VIT: variants seen among roughly 807,000 people sequenced by gnomAD.
The protein encoded by VIT is vitrin.
Under a neutral mutation model 78.0 loss-of-function variants are expected in VIT, and 99 were observed. The ratio of observed to expected loss-of-function variants is 1.27; its 90% CI spans 1.08 to 1.50. The LOEUF is 1.50. Among genes scored for constraint, VIT ranks in the 40% most tolerant of loss-of-function variants. The pLI, the probability that VIT is intolerant of heterozygous loss-of-function variation, is 0.00. For synonymous variants in VIT, 374 were observed against 334.3 expected, an observed-to-expected ratio of 1.12 and a Z score of -1.29; for missense variants, 1,126 against 875.3, an observed-to-expected ratio of 1.29 and a Z score of -3.61.
Position 36,758,950 on chromosome 2 carries a change from T to C in VIT, c.410-19T>C. 6.2e-7 allele frequency: 1 copy of C among 1,603,826 alleles called. No homozygotes were observed. Among genetic ancestry groups the C allele is most frequent in the Non-Finnish European group, 8.5e-7 (1 of 1,174,138 alleles). On this transcript the variant is annotated intron_variant, in intron 5 of 15. Coordinates refer to ENST00000379242, the MANE Select transcript of VIT (RefSeq NM_053276.4). Reference sequence around the variant, plus strand: ...TAGCTCTAGAAATAAATCTCGTTTTTTTTTTCTCTTTTTTGCAGAAAGTAA... The same window carrying C: ...TAGCTCTAGAAATAAATCTCGTTTTCTTTTTCTCTTTTTTGCAGAAAGTAA...
intron 11 of VIT, 30 bp downstream of exon 11, chr2:36,783,432 G>C: frequency 6.2e-7 from 1 of 1,611,102 alleles, no homozygotes. Context: ...GAAACCCACG[G>C]TGTCTTTGAC....
chr2:36,782,273 G>A (rs1352870170), intron 10 of VIT, among the ~76,000 whole-genome samples: 1 of 152,184 alleles, frequency 6.6e-6, no homozygotes, highest in Non-Finnish European at 1.5e-5. Context: ...TCCGCCTCTG[G>A]ACTTGTACTT....
At chr2:36,705,210 T>C (rs1665337802) in intron 1 of VIT, among the ~76,000 whole-genome samples, 2 of 152,204 alleles carry the variant, frequency 1.3e-5, no homozygotes, top group South Asian at 4.2e-4. Flanking sequence ...CCTCGTCTTT[T>C]TGAGGTCCTA....
intron 11 of VIT, among the ~76,000 whole-genome samples, chr2:36,786,070 G>A (rs576724408): frequency 3.6e-4 from 55 of 152,300 alleles, no homozygotes; most frequent in African/African-American, 1.2e-3. Flanking sequence ...GATTAGAGAG[G>A]TGCAGGTCCG....
intron 2 of VIT, among the ~76,000 whole-genome samples, chr2:36,717,723 G>T (rs1666255069): frequency 1.3e-5 from 2 of 152,132 alleles, no homozygotes; most frequent in Non-Finnish European, 2.9e-5. Context: ...ACCCTGTGGA[G>T]CATTGTGAAA....
chr2:36,784,533 A>G lies in VIT; in HGVS notation c.910+1131A>G, dbSNP rs754234979. ...AGGAGTCTTCATTTGTTGAAGCTGC[A>G]TTAGCAACCCTGATATGTACATGAC... On this transcript the variant is annotated intron_variant, in intron 11 of 15. Transcript: ENST00000379242. Among the ~76,000 whole-genome samples the G allele has an allele frequency of 2.0e-5, 3 of 152,332 alleles. No individual in the cohort carries two copies. In the East Asian group the frequency reaches 5.8e-4, roughly 29 times the overall value.
intron 1 of VIT, among the ~76,000 whole-genome samples, chr2:36,714,946 C>T (rs1666031648): frequency 6.6e-6 from 1 of 152,188 alleles, no homozygotes; most frequent in Non-Finnish European, 1.5e-5. Context: ...GAGAAACTCC[C>T]TTATGGATCA....
intron 1 of VIT, among the ~76,000 whole-genome samples, chr2:36,708,733 T>G (rs1396139302): frequency 2.6e-5 from 4 of 152,142 alleles, no homozygotes; most frequent in Non-Finnish European, 4.4e-5. Context: ...TTAAAGAAAT[T>G]TGAGCCCCTC....
At chr2:36,776,819 G>A (rs9308997) in intron 9 of VIT, among the ~76,000 whole-genome samples, 146,577 of 151,540 alleles carry the variant, frequency 0.97, 71,029 homozygotes, top group South Asian at 1. Flanking sequence ...GGCCTGGCGC[G>A]GTGGCTCACA....
Position 36,767,240 on chromosome 2 carries a change from A to G in VIT, c.634A>G (p.Ser212Gly). Reference sequence around the variant, plus strand: ...ATCCCCTTCTGCTGCTTCTACCACCAGCATCCCCAGACCACAATCAGTGGG... The same window carrying G: ...ATCCCCTTCTGCTGCTTCTACCACCGGCATCCCCAGACCACAATCAGTGGG... ...RPSPSAASTT[S>G]IPRPQSVGHR... Residue 212 changes from serine to glycine, a missense_variant, in exon 7 of 16, where the codon AGC becomes GGC. Physicochemically the swap from Ser to Gly is moderately conservative, Grantham distance 56. Transcript: ENST00000379242. 1 of 1,598,392 alleles carries G rather than the reference A, an allele frequency of 6.3e-7. No individual in the cohort carries two copies. Among genetic ancestry groups the G allele is most frequent in the Non-Finnish European group, 8.5e-7 (1 of 1,173,016 alleles).
rs370962635 is a variant in VIT at position 36,743,241 on chromosome 2, G to T, written c.260G>T (p.Gly87Val). ...TATGCATCCTACTCCAGTGTGTGTG[G>T]CGCTGCCGTACACAGGTGAGTGGTT... Reference protein sequence around the residue: ...DVYASYSSVCGAAVHSGVLDN... With the variant: ...DVYASYSSVCVAAVHSGVLDN... Residue 87 changes from glycine (G) to valine (V), a missense_variant, in exon 4 of 16, where the codon GGC becomes GTC. Transcript: ENST00000379242. 5.0e-6 allele frequency: 8 copies of T among 1,613,782 alleles called. No homozygotes were observed. The highest frequency in any genetic ancestry group is 6.8e-6 in the Non-Finnish European group (8 of 1,179,850).
chr2:36,706,352 G>A (rs1478773105), intron 1 of VIT, among the ~76,000 whole-genome samples: 1 of 152,182 alleles, frequency 6.6e-6, no homozygotes, highest in Non-Finnish European at 1.5e-5. Context: ...TTTAATTAAA[G>A]CTGCAGGAAA....
intron 14 of VIT, among the ~76,000 whole-genome samples, chr2:36,806,344 C>A (rs562296701): frequency 5.9e-5 from 9 of 152,306 alleles, no homozygotes; most frequent in African/African-American, 1.9e-4. Context: ...AGGGCTCAAC[C>A]TCCTGCACCA....
At chr2:36,777,035 G>A (rs1670110191) in intron 9 of VIT, among the ~76,000 whole-genome samples, 1 of 146,410 alleles carries the variant, frequency 6.8e-6, no homozygotes, top group African/African-American at 2.4e-5. Flanking sequence ...CTTGCAGTGA[G>A]CCGAGATCAC....
intron 8 of VIT, 170 bp from the exon 9 acceptor site, chr2:36,774,832 C>T: frequency 2.0e-6 from 2 of 985,402 alleles, no homozygotes; most frequent in Non-Finnish European, 2.4e-6. Context: ...GTCCCCTTGG[C>T]CAAGATTTTT....
At chr2:36,801,705 G>T (rs1666341322) in intron 13 of VIT, among the ~76,000 whole-genome samples, 1 of 151,644 alleles carries the variant, frequency 6.6e-6, no homozygotes, top group Non-Finnish European at 1.5e-5. Context: ...CTACTTGGGA[G>T]GCTGAGGTTG....
rs764829031 is a variant in VIT, at chr2:36,767,257, A to G, written c.651A>G (p.Gln217=). The G allele has an allele frequency of 1.3e-6, 2 of 1,585,502 alleles. No individual in the cohort carries two copies. The highest frequency in any genetic ancestry group is 1.2e-5 in the South Asian group (1 of 86,090). ...AASTTSIPRP[Q]SVGHRSQEMD... ...CTACCACCAGCATCCCCAGACCACAATCAGTGGGCCACAGGAGCCAGGAGA... is the reference window on the plus strand; with the variant it reads ...CTACCACCAGCATCCCCAGACCACAGTCAGTGGGCCACAGGAGCCAGGAGA... The change falls in exon 7 of 16, where the codon CAA becomes CAG. Residue 217 remains glutamine (Q), a synonymous_variant. Transcript: ENST00000379242.
At chr2:36,760,019 G>A (rs1669011258) in intron 6 of VIT, among the ~76,000 whole-genome samples, 2 of 146,492 alleles carry the variant, frequency 1.4e-5, no homozygotes, top group Admixed American at 6.9e-5. Context: ...TTTTTGAGAC[G>A]GAGTTTCACT....
At chr2:36,736,138 T>G (rs895282580) in intron 3 of VIT, among the ~76,000 whole-genome samples, 8 of 152,182 alleles carry the variant, frequency 5.3e-5, no homozygotes, top group African/African-American at 1.9e-4. Context: ...GGCACCTTAG[T>G]GGTAGGTTTA....
Sources: gnomAD v4.1 joint callset for allele counts (sites outside exome capture counted in the v4.1 genomes callset) on GRCh38, gnomAD v4.1.1 for gene constraint, MANE v1.5 for transcripts, NCBI Gene and HGNC (gene_info 2026-07-23, HGNC 2026-07-21) for gene names.